PPFIBP1: variants seen among roughly 807,000 people sequenced by gnomAD.
The protein encoded by PPFIBP1 is PPFIB scaffold protein 1.
Under a neutral mutation model 137.8 loss-of-function variants are expected in PPFIBP1, and 112 were observed. The ratio of observed to expected loss-of-function variants is 0.81; its 90% CI spans 0.70 to 0.95. The LOEUF is 0.95. PPFIBP1 is among the 40% of genes least tolerant of loss of function. The pLI is 0.00. For synonymous variants in PPFIBP1, 378 were observed against 417.3 expected (o/e 0.91, Z 1.15); for missense variants, 1,083 against 1,196.6 (o/e 0.91, Z 1.40).
chr12:27,627,033 A>G lies in PPFIBP1; in HGVS notation c.-35-6329A>G, dbSNP rs536305574. ...GTACATGAGATATTTTGATACAGGC[A>G]TACATCACATAATAATCACATCAGG... On this transcript the variant is annotated intron_variant, in intron 2 of 29. Coordinates refer to ENST00000228425, the MANE Select transcript of PPFIBP1 (RefSeq NM_003622.4). Among the ~76,000 whole-genome samples, 10 of 152,294 alleles carry G rather than the reference A, an allele frequency of 6.6e-5. No homozygotes were observed. In the South Asian group the frequency reaches 1.9e-3, roughly 28 times the overall value.
intron 6 of PPFIBP1, 29 bp from the exon 7 acceptor site, chr12:27,649,981 T>C (rs768818417): frequency 1.3e-6 from 2 of 1,583,456 alleles, no homozygotes; most frequent in South Asian, 2.3e-5. Context: ...ATAAAAGACT[T>C]CTTGAATGTA....
chr12:27,682,685 G>A lies in PPFIBP1; in HGVS notation c.2229G>A (p.Met743Ile), dbSNP rs755231668. Residue 743 changes from methionine (M) to isoleucine (I), a missense_variant, in exon 24 of 30, where the codon ATG (methionine) becomes ATA (isoleucine). Coordinates refer to ENST00000228425, the MANE Select transcript of PPFIBP1 (RefSeq NM_003622.4). ...ATGAAGGACGGGTTGATGGTCGAAT[G>A]CTACATTACATGACTGTTGTAAGTG... ...QFDEGRVDGRMLHYMTVDDLL... is the reference protein window; with the variant it reads ...QFDEGRVDGRILHYMTVDDLL... The A allele has an allele frequency of 6.2e-7, 1 of 1,614,160 alleles. No homozygotes were observed. Among genetic ancestry groups the A allele is most frequent in the Non-Finnish European group, 8.5e-7 (1 of 1,180,020 alleles).
At chr12:27,630,677 T>C (rs1400011584) in intron 2 of PPFIBP1, among the ~76,000 whole-genome samples, 1 of 152,198 alleles carries the variant, frequency 6.6e-6, no homozygotes, top group Non-Finnish European at 1.5e-5. Context: ...TTCAGTTACA[T>C]GATGAATTGT....
intron 12 of PPFIBP1, among the ~76,000 whole-genome samples, chr12:27,665,821 A>G (rs1307091926): frequency 6.6e-6 from 1 of 152,206 alleles, no homozygotes; most frequent in African/African-American, 2.4e-5. Flanking sequence ...TTTTGTACAC[A>G]AGGTCTGGCA....
chr12:27,577,232 A>C (rs1013700949), intron 1 of PPFIBP1, among the ~76,000 whole-genome samples: 1 of 152,006 alleles, frequency 6.6e-6, no homozygotes, highest in Non-Finnish European at 1.5e-5. Flanking sequence ...TTTTTAATAA[A>C]AAATGTCCTC....
intron 7 of PPFIBP1, among the ~76,000 whole-genome samples, chr12:27,651,558 C>T (rs935146191): frequency 2.0e-5 from 3 of 152,102 alleles, no homozygotes; most frequent in African/African-American, 4.8e-5. Context: ...TGATATTTTC[C>T]TCTTTCCCCT....
chr12:27,527,288 G>A (rs544907041), intron 1 of PPFIBP1, among the ~76,000 whole-genome samples: 129 of 150,872 alleles, frequency 8.6e-4, no homozygotes, highest in African/African-American at 2.9e-3. Context: ...TCGCTCTGCC[G>A]CCCTGGATGG....
At chr12:27,558,256 GTTTT>G (rs11434356) in intron 1 of PPFIBP1, among the ~76,000 whole-genome samples, 2 of 139,328 alleles carry the variant, frequency 1.4e-5, no homozygotes, top group Non-Finnish European at 3.1e-5. Flanking sequence ...GACCTTCTGG[GTTTT>G]TTTTTTGTTT....
At position 27,616,420 on chromosome 12, in the gene PPFIBP1, T is replaced by A. The variant is rs1045736468; in HGVS notation, c.-35-16942T>A. Among the ~76,000 whole-genome samples the A allele has an allele frequency of 7.9e-5, 12 of 151,800 alleles. No individual in the cohort carries two copies. The South Asian group carries it at 2.1e-3, about 26-fold the overall frequency. ...TGGCATTTTGGGGGTGATGTTCAGG[T>A]GGCAGCCAGATTGGAGGGGACCGTG... On this transcript the variant is annotated intron_variant, in intron 2 of 29. Transcript: ENST00000228425.
At chr12:27,631,538 G>A (rs987957006) in intron 2 of PPFIBP1, among the ~76,000 whole-genome samples, 9 of 152,088 alleles carry the variant, frequency 5.9e-5, no homozygotes, top group South Asian at 2.1e-4. Context: ...AAAAGTTAAC[G>A]TTTTGAACTT....
At chr12:27,593,694 A>G (rs2052817281) in intron 2 of PPFIBP1, 7 of 586,320 alleles carry the variant, frequency 1.2e-5, no homozygotes, top group Non-Finnish European at 2.2e-5. Flanking sequence ...GAACTTGTTT[A>G]TCCACAGGTT....
chr12:27,558,400 C>G (rs2048874499), intron 1 of PPFIBP1, among the ~76,000 whole-genome samples: 2 of 151,712 alleles, frequency 1.3e-5, no homozygotes, highest in Admixed American at 1.3e-4. Context: ...TTCATTTTAT[C>G]TCCTGCCCTT....
intron 4 of PPFIBP1, among the ~76,000 whole-genome samples, chr12:27,644,926 T>C (rs982715730): frequency 4.0e-5 from 6 of 151,802 alleles, no homozygotes; most frequent in Admixed American, 6.6e-5. Context: ...TTTTTTTTCT[T>C]CCCCCTTCCC....
At chr12:27,648,322 G>T (rs1477125937) in intron 6 of PPFIBP1, among the ~76,000 whole-genome samples, 7 of 152,106 alleles carry the variant, frequency 4.6e-5, no homozygotes, top group African/African-American at 1.7e-4. Flanking sequence ...CAGCTAAAAT[G>T]GCTTTTATCC....
At chr12:27,547,300 C>T (rs1380692988) in intron 1 of PPFIBP1, 1 of 152,144 alleles carries the variant, frequency 6.6e-6, no homozygotes, top group East Asian at 1.9e-4. Context: ...TGCTGTATTC[C>T]TGTGCATTAA....
chr12:27,692,899 A>G lies in PPFIBP1; in HGVS notation c.*17A>G. On this transcript the variant is annotated 3_prime_UTR_variant, in exon 30 of 30. Transcript: ENST00000228425. ...AACGTTTGACCGTAGCACCTGGATG[A>G]ACATTAGGAGTGCTTAGTCTTTTTT... 1.2e-6 allele frequency: 2 copies of G among 1,613,998 alleles called. No individual in the cohort carries two copies. Among genetic ancestry groups the G allele is most frequent in the South Asian group, 2.2e-5 (2 of 91,044 alleles).
intron 2 of PPFIBP1, among the ~76,000 whole-genome samples, chr12:27,585,257 G>A (rs908768209): frequency 1.3e-5 from 2 of 152,170 alleles, no homozygotes; most frequent in African/African-American, 4.8e-5. Flanking sequence ...AAGTCACTTT[G>A]TACTATAAGT....
intron 2 of PPFIBP1, among the ~76,000 whole-genome samples, chr12:27,579,538 T>C (rs2050881805): frequency 6.6e-6 from 1 of 152,232 alleles, no homozygotes; most frequent in Non-Finnish European, 1.5e-5. Flanking sequence ...TTCTTTTGTG[T>C]CTAGCTTGTT....
In PPFIBP1 at chr12:27,691,894, TG is replaced by T. The variant is rs2061568825; in HGVS notation, c.2832del (p.Tyr945MetfsTer9). The T allele has an allele frequency of 6.2e-7, 1 of 1,613,134 alleles. No individual in the cohort carries two copies. Among genetic ancestry groups the T allele is most frequent in the Non-Finnish European group, 8.5e-7 (1 of 1,179,672 alleles). On this transcript the variant is annotated frameshift_variant, in exon 28 of 30. Coordinates refer to ENST00000228425, the MANE Select transcript of PPFIBP1 (RefSeq NM_003622.4). LOFTEE classifies it high-confidence loss of function. ...KGFKPGLDMR[L>X]YEEDDLDRLE... is the part of the protein sequence containing the mutation. ...TTTAAACCTGGTTTGGATATGCGCC[TG>T]TATGAGGAAGATGATTTGGACCGGT... is the stretch of plus-strand genomic sequence containing the variant.
Sources: gnomAD v4.1 joint callset for allele counts (sites outside exome capture counted in the v4.1 genomes callset) on GRCh38, gnomAD v4.1.1 for gene constraint, MANE v1.5 for transcripts, NCBI Gene and HGNC (gene_info 2026-07-23, HGNC 2026-07-21) for gene names.